Variants in NSDHL observed in about 807,000 individuals in gnomAD.
The protein encoded by NSDHL is sterol-4-alpha-carboxylate 3-dehydrogenase, decarboxylating.
Under a neutral mutation model 23.0 loss-of-function variants are expected in NSDHL, and 1 was observed. The observed-to-expected ratio is 0.04, with a 90% confidence interval of 0.02 to 0.21. The LOEUF is 0.21. Ranked by LOEUF, NSDHL falls within the 10% of genes least tolerant of loss-of-function variation. The probability of loss-of-function intolerance (pLI) is 1.00; values close to 1 mark genes in which losing one functional copy is unlikely to be tolerated. For missense variants in NSDHL, 237 were observed against 300.9 expected, an observed-to-expected ratio of 0.79 and a Z score of 1.57; for synonymous variants, 128 against 121.1, an observed-to-expected ratio of 1.06 and a Z score of -0.37.
intron 4 of NSDHL, among the ~76,000 whole-genome samples, chrX:152,859,871 CGT>C (rs1556847359): frequency 1.8e-5 from 2 of 112,045 alleles, no homozygotes; most frequent in East Asian, 5.6e-4. Context: ...CCAATAGAAA[CGT>C]GTTATAACTC....
At chrX:152,841,781 C>T (rs1408093396) in intron 1 of NSDHL, among the ~76,000 whole-genome samples, 1 of 112,158 alleles carries the variant, frequency 8.9e-6, no homozygotes, top group African/African-American at 3.2e-5. Context: ...TTCTGTATGT[C>T]TGTGTGGTAA....
chrX:152,839,670 T>C (rs1274056680), intron 1 of NSDHL, among the ~76,000 whole-genome samples: 11 of 112,980 alleles, frequency 9.7e-5, no homozygotes, highest in African/African-American at 3.5e-4. Flanking sequence ...AGGGATCTGC[T>C]GTTAGTCTGA....
At chrX:152,854,516 G>A (rs1602935308) in intron 3 of NSDHL, among the ~76,000 whole-genome samples, 2 of 109,988 alleles carry the variant, frequency 1.8e-5, no homozygotes, top group Non-Finnish European at 3.8e-5. Context: ...TTCAAGCGAT[G>A]CTCCTGCCTC....
intron 3 of NSDHL, among the ~76,000 whole-genome samples, chrX:152,851,211 T>G (rs1933351554): frequency 1.8e-5 from 2 of 112,381 alleles, no homozygotes; most frequent in Non-Finnish European, 3.8e-5. Context: ...TTGCCAACAC[T>G]GGGCATAACT....
intron 4 of NSDHL, among the ~76,000 whole-genome samples, chrX:152,861,907 T>C (rs1933535240): frequency 8.9e-6 from 1 of 111,748 alleles, no homozygotes; most frequent in Non-Finnish European, 1.9e-5. Flanking sequence ...TTCTCTCATC[T>C]GTAAGCGATG....
rs1447767075 is a variant in NSDHL, at chrX:152,835,434, T to C, written c.-44+4317T>C. Among the ~76,000 whole-genome samples, 8 of 109,353 alleles carry C rather than the reference T, an allele frequency of 7.3e-5. No individual in the cohort carries two copies. The East Asian group carries it at 2.3e-3, about 31-fold the overall frequency. The allele number at this position is 109,353 out of a possible 115,157, so 95.0% of individuals were successfully genotyped here. On this transcript the variant is annotated intron_variant, in intron 1 of 7. Transcript: ENST00000370274. ...CGTCATTTACATTAGGTATATCTCC[T>C]AATGCTATCCCTCCCCCAGGCCCCC...
intron 1 of NSDHL, among the ~76,000 whole-genome samples, chrX:152,843,493 T>C (rs1477825925): frequency 8.9e-6 from 1 of 111,817 alleles, no homozygotes; most frequent in Non-Finnish European, 1.9e-5. Context: ...TTCCACCTTC[T>C]AGTGGCTCCA....
chrX:152,851,238 C>T (rs782554491), intron 3 of NSDHL, among the ~76,000 whole-genome samples: 1 of 112,320 alleles, frequency 8.9e-6, no homozygotes, highest in East Asian at 2.8e-4. Context: ...TTTGGTGTTG[C>T]CATTCTGAGA....
At chrX:152,848,519 T>C (rs1556845886) in intron 2 of NSDHL, among the ~76,000 whole-genome samples, 1 of 112,485 alleles carries the variant, frequency 8.9e-6, no homozygotes, top group Admixed American at 9.4e-5. Flanking sequence ...TGTCCAAGAG[T>C]AGCGTACTGA....
rs190984115 is a variant in NSDHL, at chrX:152,840,778, G to A, written c.-43-5504G>A. On this transcript the variant is annotated intron_variant, in intron 1 of 7. Coordinates refer to ENST00000370274, the MANE Select transcript of NSDHL (RefSeq NM_015922.3). The stretch of plus-strand genomic sequence containing the variant: ...CATGAGGGTCAGGGACCCACTTGAG[G>A]AGCAGTCTGTCCTTTCTCAGAGCTC... Among the ~76,000 whole-genome samples, 379 of 112,755 alleles carry A rather than the reference G, an allele frequency of 3.4e-3. 2 individuals are homozygous for A. Among genetic ancestry groups the A allele is most frequent in the Non-Finnish European group, 6.1e-3 (325 of 53,301 alleles).
At chrX:152,868,172 C>T in intron 7 of NSDHL, among the ~76,000 whole-genome samples, 1 of 104,253 alleles carries the variant, frequency 9.6e-6, no homozygotes, top group Non-Finnish European at 2.0e-5. Context: ...CAGTCTCACT[C>T]TGTCACCCTG....
chrX:152,840,528 C>T (rs1933173556), intron 1 of NSDHL, among the ~76,000 whole-genome samples: 1 of 112,299 alleles, frequency 8.9e-6, no homozygotes, highest in South Asian at 3.7e-4. Flanking sequence ...CTATTCCTTT[C>T]TGTTTGTTAG....
intron 3 of NSDHL, among the ~76,000 whole-genome samples, chrX:152,853,520 G>C (rs900510760): frequency 9.0e-6 from 1 of 111,296 alleles, no homozygotes; most frequent in Admixed American, 9.6e-5. Flanking sequence ...GATGTTAGAG[G>C]GACTCTTAAT....
intron 1 of NSDHL, among the ~76,000 whole-genome samples, chrX:152,836,042 C>G (rs1402063143): frequency 1.8e-5 from 2 of 112,593 alleles, no homozygotes; most frequent in Non-Finnish European, 3.7e-5. Flanking sequence ...TTGCATTTCT[C>G]TGATGGCCAG....
chrX:152,860,284 CTT>C (rs1206688538), intron 4 of NSDHL, among the ~76,000 whole-genome samples: 2 of 112,116 alleles, frequency 1.8e-5, no homozygotes, highest in African/African-American at 3.2e-5. Context: ...AACGATGTCT[CTT>C]TGCTAGTAAA....
At chrX:152,865,789 G>T in intron 5 of NSDHL, 30 bp from the exon 6 acceptor site, 1 of 1,211,744 alleles carries the variant, frequency 8.3e-7, no homozygotes, top group Non-Finnish European at 1.1e-6. Context: ...AATTTGCAAT[G>T]GACGTGCCCC....
chrX:152,866,642 A>G (rs1933611493), intron 6 of NSDHL, among the ~76,000 whole-genome samples: 1 of 102,269 alleles, frequency 9.8e-6, no homozygotes, highest in Non-Finnish European at 2.0e-5. Flanking sequence ...CTGTGCTTGG[A>G]GAGGCATCAC....
Position 152,869,631 on chromosome X carries a change from G to C in NSDHL, c.*515G>C. On this transcript the variant is annotated 3_prime_UTR_variant, in exon 8 of 8. Coordinates refer to ENST00000370274, the MANE Select transcript of NSDHL (RefSeq NM_015922.3). ...TACATATACATTTCATACTGACAGT[G>C]AGCTTAGAGCAAAAGCTGAAAGCTG... 7.6e-6 allele frequency: 1 copy of C among 131,792 alleles called. No individual in the cohort carries two copies. The highest frequency in any genetic ancestry group is 1.9e-4 in the East Asian group (1 of 5,219). 10.9% of individuals were successfully genotyped at this position (131,792 alleles called of 1,213,427 possible).
chrX:152,842,644 C>A (rs1054126506), intron 1 of NSDHL, among the ~76,000 whole-genome samples: 1 of 111,207 alleles, frequency 9.0e-6, no homozygotes, highest in Non-Finnish European at 1.9e-5. Context: ...TGGGATTACA[C>A]GCATGTGCCA....
Sources: gnomAD v4.1 joint callset for allele counts (sites outside exome capture counted in the v4.1 genomes callset) on GRCh38, gnomAD v4.1.1 for gene constraint, MANE v1.5 for transcripts, NCBI Gene and HGNC (gene_info 2026-07-23, HGNC 2026-07-21) for gene names.